The following CHRM2 variants were observed in gnomAD, a reference collection of about 807,000 sequenced individuals.
CHRM2 encodes cholinergic receptor muscarinic 2, also known as muscarinic acetylcholine receptor M2.
In CHRM2, 8 loss-of-function variants were observed where a neutral mutation model predicts 25.0. The ratio of observed to expected loss-of-function variants is 0.32; its 90% confidence interval spans 0.19 to 0.58. CHRM2 has a LOEUF of 0.58. Ranked by LOEUF, CHRM2 falls within the 20% of genes least tolerant of loss-of-function variation. CHRM2 has a pLI of 0.88. For synonymous variants in CHRM2, 202 were observed against 205.7 expected, an observed-to-expected ratio of 0.98 and a Z score of 0.15; for missense variants, 440 against 567.1, an observed-to-expected ratio of 0.78 and a Z score of 2.28.
chr7:136,907,834 A>G (rs1259062615), intron 2 of CHRM2: 2 of 151,956 alleles, frequency 1.3e-5, no homozygotes, highest in East Asian at 1.9e-4. Context: ...CAAGAAAGGG[A>G]GAGTAGAACT....
intron 2 of CHRM2, among the ~76,000 whole-genome samples, chr7:136,962,543 T>A (rs1801165941): frequency 6.6e-6 from 1 of 152,192 alleles, no homozygotes; most frequent in African/African-American, 2.4e-5. Flanking sequence ...TGCCCTGTTC[T>A]CTGAGGGCAT....
intron 2 of CHRM2, among the ~76,000 whole-genome samples, chr7:136,906,043 T>G (rs984717780): frequency 1.3e-5 from 2 of 151,264 alleles, no homozygotes; most frequent in African/African-American, 4.8e-5. Context: ...ATTACTACTA[T>G]TTAAAAAATT....
intron 2 of CHRM2, among the ~76,000 whole-genome samples, chr7:136,918,488 C>G (rs1223086114): frequency 6.6e-6 from 1 of 152,136 alleles, no homozygotes; most frequent in African/African-American, 2.4e-5. Context: ...GTTCACCCAT[C>G]TCACTGTTGC....
intron 2 of CHRM2, among the ~76,000 whole-genome samples, chr7:136,911,338 A>G (rs1797832907): frequency 6.6e-6 from 1 of 151,982 alleles, no homozygotes; most frequent in Non-Finnish European, 1.5e-5. Context: ...TTTTCTGTGT[A>G]TTAAGTACTT....
At chr7:136,895,199 A>G (rs1796845419) in intron 2 of CHRM2, among the ~76,000 whole-genome samples, 1 of 152,216 alleles carries the variant, frequency 6.6e-6, no homozygotes, top group Non-Finnish European at 1.5e-5. Context: ...GTGTAGAAAT[A>G]CAAAACTGTG....
chr7:136,959,766 C>A (rs1446856253), intron 2 of CHRM2, among the ~76,000 whole-genome samples: 5 of 152,122 alleles, frequency 3.3e-5, no homozygotes, highest in Non-Finnish European at 7.3e-5. Flanking sequence ...ACAAAATTAG[C>A]TGGGCCTGGT....
rs570161950 is a variant in CHRM2, at chr7:136,934,344, A to T, written c.-124-57843A>T. On this transcript the variant is annotated intron_variant, in intron 2 of 3. Coordinates refer to ENST00000680005, the MANE Select transcript of CHRM2 (RefSeq NM_001006630.2). The stretch of plus-strand genomic sequence containing the variant: ...CATCTATTTTCTATTTTTTATTCTT[A>T]TGTCCACAGAGATACTTCATGTCAT... Among the ~76,000 whole-genome samples the T allele has an allele frequency of 5.5e-3, 838 of 152,010 alleles. 4 individuals carry two copies. Among genetic ancestry groups the T allele is most frequent in the African/African-American group, 0.019 (796 of 41,466 alleles).
chr7:136,930,249 A>G (rs1195579226), intron 2 of CHRM2, among the ~76,000 whole-genome samples: 1 of 152,000 alleles, frequency 6.6e-6, no homozygotes, highest in Non-Finnish European at 1.5e-5. Context: ...CCTGGCCTAC[A>G]TGGCAAAACC....
chr7:136,892,003 C>G (rs995752752), intron 2 of CHRM2, among the ~76,000 whole-genome samples: 2 of 152,182 alleles, frequency 1.3e-5, no homozygotes, highest in Non-Finnish European at 2.9e-5. Flanking sequence ...GCAGAAACAA[C>G]AGCTGTCTAA....
intron 2 of CHRM2, among the ~76,000 whole-genome samples, chr7:136,961,447 T>A (rs1417523834): frequency 6.6e-6 from 1 of 152,232 alleles, no homozygotes; most frequent in African/African-American, 2.4e-5. Flanking sequence ...TGTAAAATGT[T>A]ATACTGAGAT....
intron 3 of CHRM2, among the ~76,000 whole-genome samples, chr7:136,996,746 A>T (rs1314167970): frequency 6.6e-6 from 1 of 152,198 alleles, no homozygotes; most frequent in African/African-American, 2.4e-5. Context: ...AAAATGATGC[A>T]TTAGATGTTT....
chr7:137,012,387 C>T lies in CHRM2; in HGVS notation c.-46-2433C>T, dbSNP rs1359058649. 2.0e-5 allele frequency among the ~76,000 whole-genome samples: 3 copies of T among 151,976 alleles called. No homozygotes were observed. In the East Asian group the frequency reaches 5.8e-4, roughly 29 times the overall value. ...AAAAAAGGATTGTCAAAGGGAAATC[C>T]GATTAAAATAATTCAACTGATCTAA... is the stretch of plus-strand genomic sequence containing the variant. On this transcript the variant is annotated intron_variant, in intron 3 of 3. Transcript: ENST00000680005.
At chr7:136,919,186 T>G (rs893011704) in intron 2 of CHRM2, among the ~76,000 whole-genome samples, 1 of 152,116 alleles carries the variant, frequency 6.6e-6, no homozygotes, top group African/African-American at 2.4e-5. Context: ...CTGGCATTAC[T>G]GGGGAAGAAA....
intron 2 of CHRM2, among the ~76,000 whole-genome samples, chr7:136,897,989 GCT>G (rs1796998027): frequency 1.3e-5 from 2 of 152,062 alleles, no homozygotes; most frequent in African/African-American, 4.8e-5. Flanking sequence ...GATACACATT[GCT>G]CTGTTAAACA....
intron 2 of CHRM2, among the ~76,000 whole-genome samples, chr7:136,927,113 A>G (rs1413339811): frequency 6.6e-6 from 1 of 152,208 alleles, no homozygotes; most frequent in Non-Finnish European, 1.5e-5. Context: ...GAGTAAATTT[A>G]TCAACTACTT....
chr7:137,006,712 G>A (rs1246322842), intron 3 of CHRM2, among the ~76,000 whole-genome samples: 1 of 151,738 alleles, frequency 6.6e-6, no homozygotes, highest in African/African-American at 2.4e-5. Context: ...AAACCTTAAG[G>A]GTACAGCTTG....
At chr7:136,970,765 G>C (rs887275630) in intron 2 of CHRM2, among the ~76,000 whole-genome samples, 15 of 152,022 alleles carry the variant, frequency 9.9e-5, no homozygotes, top group African/African-American at 3.6e-4. Flanking sequence ...GAGAAAAAAG[G>C]CCATTTCTCT....
At chr7:136,991,107 T>C (rs1259788906) in intron 2 of CHRM2, among the ~76,000 whole-genome samples, 1 of 152,182 alleles carries the variant, frequency 6.6e-6, no homozygotes, top group East Asian at 1.9e-4. Flanking sequence ...CTTCACATTG[T>C]CATTCACAGA....
chr7:136,957,233 C>A (rs1297675120), intron 2 of CHRM2, among the ~76,000 whole-genome samples: 1 of 151,088 alleles, frequency 6.6e-6, no homozygotes, highest in Non-Finnish European at 1.5e-5. Context: ...CTCCTATCAA[C>A]ATAACAGGTG....
Sources: allele counts gnomAD v4.1 joint callset (sites outside exome capture counted in the v4.1 genomes callset), GRCh38; gene constraint gnomAD v4.1.1; transcripts MANE v1.5; gene names NCBI Gene and HGNC (gene_info 2026-07-23, HGNC 2026-07-21).